ZNF804B: variants seen among roughly 807,000 people sequenced by gnomAD.
ZNF804B encodes the protein zinc finger protein 804B, also known as zinc finger 804B.
A neutral mutation model predicts 101.4 loss-of-function variants in ZNF804B; 80 were observed. That is an observed-to-expected ratio of 0.79 (90% confidence interval 0.66 to 0.95). ZNF804B has a LOEUF of 0.95. ZNF804B is among the 40% of genes least tolerant of loss of function. The pLI, the probability that ZNF804B is intolerant of heterozygous loss-of-function variation, is 0.00. For missense variants in ZNF804B, 1,673 were observed against 1,561.9 expected (o/e 1.07, Z -1.20); for synonymous variants, 622 against 558.8 (o/e 1.11, Z -1.59).
At chr7:89,127,622 A>G (rs1162259326) in intron 1 of ZNF804B, among the ~76,000 whole-genome samples, 1 of 151,846 alleles carries the variant, frequency 6.6e-6, no homozygotes, top group African/African-American at 2.4e-5. Flanking sequence ...ATGTAAGCGC[A>G]GATAACATAT....
chr7:89,195,120 C>G (rs559229893), intron 1 of ZNF804B, among the ~76,000 whole-genome samples: 5,469 of 150,788 alleles, frequency 0.036, 78 homozygotes, highest in Admixed American at 0.043. Flanking sequence ...GCAGAAAAGG[C>G]CTTTGACAAA....
chr7:89,047,903 T>C (rs370473767), intron 1 of ZNF804B, among the ~76,000 whole-genome samples: 1 of 135,498 alleles, frequency 7.4e-6, no homozygotes, highest in African/African-American at 2.7e-5. Context: ...CTTTTTTTTT[T>C]TTCCCCCTTT....
intron 1 of ZNF804B, among the ~76,000 whole-genome samples, chr7:89,178,701 A>T (rs1336929450): frequency 6.6e-6 from 1 of 152,166 alleles, no homozygotes; most frequent in Non-Finnish European, 1.5e-5. Context: ...AGAAGTTTAG[A>T]TACCACAATT....
intron 1 of ZNF804B, among the ~76,000 whole-genome samples, chr7:88,856,070 A>T (rs1379923706): frequency 1.3e-5 from 2 of 152,112 alleles, no homozygotes; most frequent in Non-Finnish European, 2.9e-5. Context: ...TTGGCTTAGG[A>T]TTGACTTGGC....
rs570559495 is a variant in ZNF804B, at chr7:89,277,318, C to CT, written c.250-50016dup. ...CAAAAACATCTAAAGGAGTTTTTTTCTTTTTTTTTTCTTTTTTTTATTATT... is the reference window on the plus strand; with the variant it reads ...CAAAAACATCTAAAGGAGTTTTTTTCTTTTTTTTTTTCTTTTTTTTATTATT... On this transcript the variant is annotated intron_variant, in intron 2 of 3. Coordinates refer to ENST00000333190, the MANE Select transcript of ZNF804B (RefSeq NM_181646.5). 8.7e-3 allele frequency among the ~76,000 whole-genome samples: 1,251 copies of CT among 143,934 alleles called. 15 individuals carry two copies. Among genetic ancestry groups the CT allele is most frequent in the Non-Finnish European group, 0.015 (961 of 65,304 alleles). 94.4% of individuals were successfully genotyped at this position (143,934 alleles called of 152,430 possible). A position where few individuals can be genotyped will look rare whatever the true frequency, so the allele number is the denominator to read the frequency against.
chr7:88,924,661 C>T (rs549719734), intron 1 of ZNF804B, among the ~76,000 whole-genome samples: 2 of 152,240 alleles, frequency 1.3e-5, no homozygotes, highest in South Asian at 4.1e-4. Context: ...TTACATGGCT[C>T]ACTCATTTCA....
At chr7:88,792,791 T>G (rs1790399983) in intron 1 of ZNF804B, among the ~76,000 whole-genome samples, 1 of 152,238 alleles carries the variant, frequency 6.6e-6, no homozygotes, top group Non-Finnish European at 1.5e-5. Flanking sequence ...TGTTACTAAC[T>G]TGAAAGAAAC....
chr7:89,157,709 G>C (rs983961780), intron 1 of ZNF804B, among the ~76,000 whole-genome samples: 1 of 152,064 alleles, frequency 6.6e-6, no homozygotes, highest in African/African-American at 2.4e-5. Flanking sequence ...ATCTTTTCTA[G>C]TGTCTAGTTC....
At chr7:89,260,124 C>T (rs1315535295) in intron 2 of ZNF804B, among the ~76,000 whole-genome samples, 4 of 152,138 alleles carry the variant, frequency 2.6e-5, no homozygotes, top group Non-Finnish European at 4.4e-5. Flanking sequence ...GAAATTAATC[C>T]AGAATTCTCA....
intron 1 of ZNF804B, among the ~76,000 whole-genome samples, chr7:88,898,148 G>T (rs1170439659): frequency 7.5e-6 from 1 of 133,852 alleles, no homozygotes; most frequent in Non-Finnish European, 1.5e-5. Flanking sequence ...GTGCAATGGC[G>T]GGATCTCGGC....
Position 88,778,507 on chromosome 7 carries a change from A to G in ZNF804B, c.108+18423A>G, listed in dbSNP as rs528421980. Among the ~76,000 whole-genome samples, 3 of 152,336 alleles carry G rather than the reference A, an allele frequency of 2.0e-5. No individual in the cohort carries two copies. In the South Asian group the frequency reaches 6.2e-4, roughly 32 times the overall value. On this transcript the variant is annotated intron_variant, in intron 1 of 3. Transcript: ENST00000333190. Reference sequence around the variant, plus strand: ...GACTCCTATACATCTGTAGTTATTCACTGGCTATTGTTTTCCTTAGAAATC... The same window carrying G: ...GACTCCTATACATCTGTAGTTATTCGCTGGCTATTGTTTTCCTTAGAAATC...
chr7:89,194,338 T>G (rs1214480355), intron 1 of ZNF804B, among the ~76,000 whole-genome samples: 1 of 151,570 alleles, frequency 6.6e-6, no homozygotes, highest in Admixed American at 6.6e-5. Flanking sequence ...TTGTCAATTT[T>G]GGCTTTTGTT....
At chr7:89,101,212 A>T (rs1412842466) in intron 1 of ZNF804B, among the ~76,000 whole-genome samples, 2 of 152,050 alleles carry the variant, frequency 1.3e-5, no homozygotes, top group African/African-American at 4.8e-5. Context: ...TATTCATTAT[A>T]TAAAACAGTT....
chr7:88,991,355 G>T (rs1793842955), intron 1 of ZNF804B, among the ~76,000 whole-genome samples: 1 of 152,110 alleles, frequency 6.6e-6, no homozygotes, highest in East Asian at 1.9e-4. Context: ...TGTGGTTCCT[G>T]TGTAGTACAC....
intron 1 of ZNF804B, among the ~76,000 whole-genome samples, chr7:88,946,855 A>G (rs1377194727): frequency 6.6e-6 from 1 of 151,830 alleles, no homozygotes; most frequent in Non-Finnish European, 1.5e-5. Context: ...TGGGCAAGAG[A>G]TATGAACGGA....
At chr7:88,816,279 G>A (rs560169536) in intron 1 of ZNF804B, among the ~76,000 whole-genome samples, 1 of 152,154 alleles carries the variant, frequency 6.6e-6, no homozygotes, top group African/African-American at 2.4e-5. Flanking sequence ...CATAAAAGCT[G>A]CAGAAGAAAA....
rs922295594 is a variant in ZNF804B, at chr7:89,334,752, T to C, written c.1770T>C (p.Asp590=). 1.1e-5 allele frequency: 17 copies of C among 1,613,618 alleles called. No individual in the cohort carries two copies. Among genetic ancestry groups the C allele is most frequent in the Admixed American group, 1.7e-5 (1 of 59,896 alleles). ...TTTACCTCAACACATCTCTAAAGGA[T>C]TGTGCTGGAAAGAATAATAGTAGTG... ...VPLYLNTSLK[D]CAGKNNSSEN... Residue 590 remains aspartate (D), a synonymous_variant, in exon 4 of 4, where the codon GAT becomes GAC. Transcript: ENST00000333190.
chr7:89,039,843 T>C (rs912392969), intron 1 of ZNF804B, among the ~76,000 whole-genome samples: 4 of 152,066 alleles, frequency 2.6e-5, no homozygotes, highest in African/African-American at 9.6e-5. Context: ...AGAAATTCAC[T>C]GATGGTTCTA....
At chr7:89,173,113 TA>T (rs552399454) in intron 1 of ZNF804B, among the ~76,000 whole-genome samples, 41 of 152,218 alleles carry the variant, frequency 2.7e-4, no homozygotes, top group African/African-American at 9.1e-4. Context: ...ACAAAGGACC[TA>T]AAATTAATGG....
Sources: gnomAD v4.1 joint callset for allele counts (sites outside exome capture counted in the v4.1 genomes callset) on GRCh38, gnomAD v4.1.1 for gene constraint, MANE v1.5 for transcripts, NCBI Gene and HGNC (gene_info 2026-07-23, HGNC 2026-07-21) for gene names.